The following DBT variants were observed in gnomAD, a reference collection of about 807,000 sequenced individuals.
The protein encoded by DBT is dihydrolipoamide branched chain transacylase E2, also known as lipoamide acyltransferase component of branched-chain alpha-keto acid dehydrogenase complex, mitochondrial.
A neutral mutation model predicts 51.3 loss-of-function variants in DBT; 40 were observed. That is an observed-to-expected ratio of 0.78 (90% CI 0.61 to 1.02). The LOEUF is 1.02. Ranked by LOEUF, DBT falls within the 50% of genes least tolerant of loss-of-function variation. DBT has a pLI of 0.00. For synonymous variants in DBT, 181 were observed against 190.4 expected (o/e 0.95, Z 0.41); for missense variants, 510 against 580.2 (o/e 0.88, Z 1.24).
At chr1:100,224,566 T>C (rs4143055) in intron 4 of DBT, among the ~76,000 whole-genome samples, 114,155 of 151,854 alleles carry the variant, frequency 0.75, 45,438 homozygotes, top group East Asian at 0.95. Context: ...ATATTATGAA[T>C]GGCAAATGAA....
rs532269124 is a variant in DBT, at chr1:100,236,162, A to G, written c.176-651T>C. ...GAATACAGTAGACATTCACAGGTGC[A>G]TAAATGCATACTACAGCCTCAAACT... On this transcript the variant is annotated intron_variant, in intron 2 of 10. Coordinates refer to ENST00000370132, the MANE Select transcript of DBT (RefSeq NM_001918.5). Among the ~76,000 whole-genome samples, 13 of 151,942 alleles carry G rather than the reference A, an allele frequency of 8.6e-5. No individual in the cohort carries two copies. In the South Asian group the frequency reaches 2.5e-3, roughly 29 times the overall value.
At chr1:100,201,288 G>A (rs1413255933) in intron 10 of DBT, among the ~76,000 whole-genome samples, 8 of 151,754 alleles carry the variant, frequency 5.3e-5, no homozygotes, top group South Asian at 2.1e-4. Context: ...TCGATCAAGC[G>A]GAAGAAAGGA....
intron 7 of DBT, 108 bp downstream of exon 7, chr1:100,214,709 G>A (rs1662381076): frequency 7.3e-6 from 8 of 1,098,016 alleles, no homozygotes; most frequent in African/African-American, 4.6e-5. Flanking sequence ...AGCCGAGATT[G>A]TGCCATTGCA....
chr1:100,219,128 G>A (rs1662678220), intron 4 of DBT, among the ~76,000 whole-genome samples: 1 of 152,154 alleles, frequency 6.6e-6, no homozygotes, highest in Non-Finnish European at 1.5e-5. Flanking sequence ...AAGGCAGAAG[G>A]ATCACCTGAG....
chr1:100,198,621 T>A lies in DBT; in HGVS notation c.1282-2199A>T, dbSNP rs181845175. Among the ~76,000 whole-genome samples the A allele has an allele frequency of 5.4e-4, 82 of 152,258 alleles. No homozygotes were observed. In the Middle Eastern group the frequency reaches 0.01, roughly 19 times the overall value. Reference sequence around the variant, plus strand: ...TTTGGAAACTGCAGGAAGCCAGAATTTTGTGAGAATCAAATGTTGAATTCT... The same window carrying A: ...TTTGGAAACTGCAGGAAGCCAGAATATTGTGAGAATCAAATGTTGAATTCT... On this transcript the variant is annotated intron_variant, in intron 10 of 10. Coordinates refer to ENST00000370132, the MANE Select transcript of DBT (RefSeq NM_001918.5).
chr1:100,247,441 G>T (rs1664605433), intron 1 of DBT, among the ~76,000 whole-genome samples: 1 of 152,232 alleles, frequency 6.6e-6, no homozygotes, highest in African/African-American at 2.4e-5. Flanking sequence ...GCTTACGCCT[G>T]TAATCCCAGC....
chr1:100,240,779 A>G lies in DBT; in HGVS notation c.157T>C (p.Phe53Leu), dbSNP rs1570847279. Reference sequence around the variant, plus strand: ...TACTTACCAGCAGTTGTTTTCAGGAAGTGATGTGGATGACTATACTTGAAT... The same window carrying G: ...TACTTACCAGCAGTTGTTTTCAGGAGGTGATGTGGATGACTATACTTGAAT... ...PSFKYSHPHH[F>L]LKTTAALRGQ... Residue 53 changes from phenylalanine (F) to leucine (L), a missense_variant, in exon 2 of 11, where the codon TTC (phenylalanine) becomes CTC (leucine). Transcript: ENST00000370132. 1 of 1,605,698 alleles carries G rather than the reference A, an allele frequency of 6.2e-7. No homozygotes were observed. The highest frequency in any genetic ancestry group is 1.1e-5 in the South Asian group (1 of 90,882).
intron 7 of DBT, among the ~76,000 whole-genome samples, chr1:100,211,405 G>A (rs1029844100): frequency 2.6e-5 from 4 of 152,164 alleles, no homozygotes; most frequent in African/African-American, 9.7e-5. Flanking sequence ...AAATGTTCTT[G>A]ATAATCTGTT....
chr1:100,223,293 T>A (rs1662976362), intron 4 of DBT, among the ~76,000 whole-genome samples: 1 of 152,186 alleles, frequency 6.6e-6, no homozygotes, highest in Admixed American at 6.5e-5. Context: ...ATTAAATAAA[T>A]AGAGGCTAGA....
chr1:100,230,599 T>A, intron 4 of DBT, 134 bp downstream of exon 4: 1 of 588,040 alleles, frequency 1.7e-6, no homozygotes, highest in Non-Finnish European at 2.9e-6. Context: ...AAGATTACAT[T>A]TCCTCAAGAG....
intron 4 of DBT, among the ~76,000 whole-genome samples, chr1:100,229,232 A>G (rs1321717532): frequency 6.6e-6 from 1 of 151,916 alleles, no homozygotes; most frequent in African/African-American, 2.4e-5. Flanking sequence ...CAGTGGCACG[A>G]TCTCGGCTCA....
In DBT at chr1:100,188,285, C is replaced by A. The variant is rs1660663148; in HGVS notation, c.*7970G>T. The A allele has an allele frequency of 6.6e-6, 1 of 152,164 alleles. No individual in the cohort carries two copies. Among genetic ancestry groups the A allele is most frequent in the Admixed American group, 6.5e-5 (1 of 15,268 alleles). 9.4% of individuals were successfully genotyped at this position (152,164 alleles called of 1,614,324 possible). A position where few individuals can be genotyped will look rare whatever the true frequency, so the allele number is the denominator to read the frequency against. ...TTCCTATTAACTTAATTACACCTGC[C>A]CACAACTTAATTTACTTGCCTTTGT... On this transcript the variant is annotated 3_prime_UTR_variant, in exon 11 of 11. Coordinates refer to ENST00000370132, the MANE Select transcript of DBT (RefSeq NM_001918.5).
At position 100,190,026 on chromosome 1, in the gene DBT, T is replaced by TAAAA. The variant is rs1397622748; in HGVS notation, c.*6228_*6229insTTTT. ...AATTTTGATTAATTAAAATTAAAAT[T>TAAAA]TAAATTTAAATAGCTACATGTGGCT... On this transcript the variant is annotated 3_prime_UTR_variant, in exon 11 of 11. Coordinates refer to ENST00000370132, the MANE Select transcript of DBT (RefSeq NM_001918.5). 3.9e-4 allele frequency: 59 copies of TAAAA among 152,284 alleles called. No homozygotes were observed. The South Asian group carries it at 0.011, about 28-fold the overall frequency. 9.4% of individuals were successfully genotyped at this position (152,284 alleles called of 1,614,324 possible).
chr1:100,215,852 A>G (rs750159041), intron 6 of DBT, 131 bp downstream of exon 6: 22 of 705,952 alleles, frequency 3.1e-5, no homozygotes, highest in Non-Finnish European at 5.5e-5. Context: ...GAAAAATTAT[A>G]TGCTGACTGA....
chr1:100,216,971 G>A (rs528026665), intron 5 of DBT, among the ~76,000 whole-genome samples: 1 of 152,136 alleles, frequency 6.6e-6, no homozygotes, highest in African/African-American at 2.4e-5. Flanking sequence ...AAATAATAAA[G>A]GACTTTACTA....
intron 2 of DBT, among the ~76,000 whole-genome samples, chr1:100,237,268 TG>T (rs1182791375): frequency 4.6e-5 from 7 of 152,162 alleles, no homozygotes; most frequent in African/African-American, 1.7e-4. Flanking sequence ...CCAGCATGAA[TG>T]GTCAGACACA....
chr1:100,244,769 G>A (rs185008868), intron 1 of DBT, among the ~76,000 whole-genome samples: 286 of 152,088 alleles, frequency 1.9e-3, no homozygotes, highest in Non-Finnish European at 3.1e-3. Flanking sequence ...TGTAATAAAG[G>A]TTTTGTGAAT....
In DBT at chr1:100,240,777, G is replaced by A. The variant is rs772209054; in HGVS notation, c.159C>T (p.Phe53=). The stretch of plus-strand genomic sequence containing the variant: ...CATACTTACCAGCAGTTGTTTTCAG[G>A]AAGTGATGTGGATGACTATACTTGA... ...PSFKYSHPHH[F]LKTTAALRGQ... is the part of the protein sequence containing the mutation. The change falls in exon 2 of 11, where the codon TTC becomes TTT. Residue 53 remains phenylalanine, a synonymous_variant. Transcript: ENST00000370132. 3.7e-6 allele frequency: 6 copies of A among 1,605,310 alleles called. No homozygotes were observed. The highest frequency in any genetic ancestry group is 4.5e-5 in the East Asian group (2 of 44,744).
At chr1:100,234,516 A>G (rs1444764324) in intron 3 of DBT, among the ~76,000 whole-genome samples, 1 of 151,992 alleles carries the variant, frequency 6.6e-6, no homozygotes, top group Non-Finnish European at 1.5e-5. Context: ...ATTTTTTACT[A>G]CTGTCTTGGT....
Sources: allele counts gnomAD v4.1 joint callset (sites outside exome capture counted in the v4.1 genomes callset), GRCh38; gene constraint gnomAD v4.1.1; transcripts MANE v1.5; gene names NCBI Gene and HGNC (gene_info 2026-07-23, HGNC 2026-07-21).